Variants in ADAM12 observed in about 807,000 individuals in gnomAD.
The protein encoded by ADAM12 is disintegrin and metalloproteinase domain-containing protein 12.
A neutral mutation model predicts 106.4 loss-of-function variants in ADAM12; 70 were observed. The observed-to-expected ratio is 0.66, with a 90% confidence interval of 0.54 to 0.80. The LOEUF is 0.80. Among genes scored for constraint, ADAM12 ranks in the 30% least tolerant of loss-of-function variants. The pLI, the probability that ADAM12 is intolerant of heterozygous loss-of-function variation, is 0.00. For missense variants in ADAM12, 1,010 were observed against 1,171.9 expected (o/e 0.86, Z 2.02); for synonymous variants, 420 against 433.5 (o/e 0.97, Z 0.39).
intron 3 of ADAM12, among the ~76,000 whole-genome samples, chr10:126,247,503 G>A (rs1181670460): frequency 1.3e-5 from 2 of 152,176 alleles, no homozygotes; most frequent in Non-Finnish European, 2.9e-5. Flanking sequence ...AGATATTTAG[G>A]AGAGAGCCTG....
intron 3 of ADAM12, among the ~76,000 whole-genome samples, chr10:126,256,188 A>C (rs1590692371): frequency 6.6e-6 from 1 of 152,328 alleles, no homozygotes; most frequent in African/African-American, 2.4e-5. Context: ...ATGTCCAAGC[A>C]GAACGAAAGC....
chr10:126,032,174 G>A (rs778849950), intron 21 of ADAM12, among the ~76,000 whole-genome samples: 19 of 152,160 alleles, frequency 1.2e-4, no homozygotes, highest in Non-Finnish European at 2.6e-4. Flanking sequence ...TTAGTACATT[G>A]GGACAAATGA....
chr10:126,023,311 GGCTCTGTTGTTGT>G (rs1430044219), intron 21 of ADAM12, among the ~76,000 whole-genome samples: 4 of 152,146 alleles, frequency 2.6e-5, no homozygotes, highest in Non-Finnish European at 5.9e-5. Context: ...TAACATGGCA[GGCTCTGTTGTTGT>G]GCCCTACCCC....
intron 3 of ADAM12, among the ~76,000 whole-genome samples, chr10:126,192,278 T>A (rs1957516973): frequency 6.6e-6 from 1 of 152,158 alleles, no homozygotes; most frequent in Non-Finnish European, 1.5e-5. Flanking sequence ...TATACATACA[T>A]AAAATGTGTA....
chr10:126,101,247 C>T lies in ADAM12; in HGVS notation c.742-6G>A. On this transcript the variant is annotated splice_region_variant and splice_polypyrimidine_tract_variant and intron_variant, in intron 8 of 22. Coordinates refer to ENST00000448723, the MANE Select transcript of ADAM12 (RefSeq NM_001288973.2). ...ATGTTCAGTGGTCTGTAAAACTGGG[C>T]AAAACAGGCAAAACTGGCATTGGAG... 1 of 1,608,124 alleles carries T rather than the reference C, an allele frequency of 6.2e-7. No homozygotes were observed. The highest frequency in any genetic ancestry group is 8.5e-7 in the Non-Finnish European group (1 of 1,176,104).
At chr10:126,254,469 C>A (rs6597750) in intron 3 of ADAM12, among the ~76,000 whole-genome samples, 82,921 of 152,074 alleles carry the variant, frequency 0.55, 23,290 homozygotes, top group African/African-American at 0.67. Context: ...CAACTGACAA[C>A]ACTTCCTTCT....
At chr10:126,195,454 A>C (rs1957579680) in intron 3 of ADAM12, among the ~76,000 whole-genome samples, 1 of 152,092 alleles carries the variant, frequency 6.6e-6, no homozygotes, top group African/African-American at 2.4e-5. Flanking sequence ...GTGTGCTTGT[A>C]ATCCCAGCTA....
intron 5 of ADAM12, among the ~76,000 whole-genome samples, chr10:126,128,255 G>A (rs1021315491): frequency 2.0e-5 from 3 of 152,148 alleles, no homozygotes; most frequent in Admixed American, 6.5e-5. Flanking sequence ...CTGGGATGAG[G>A]AAGGGAAGTG....
intron 11 of ADAM12, among the ~76,000 whole-genome samples, chr10:126,086,671 AAAAAAAAAAATAT>A (rs1184363884): frequency 2.0e-4 from 12 of 61,452 alleles, no homozygotes; most frequent in African/African-American, 9.5e-4. Context: ...AAAAAAAAAA[AAAAAAAAAAATAT>A]ATATATATAT....
chr10:126,132,598 G>A (rs1956328154), intron 5 of ADAM12, among the ~76,000 whole-genome samples: 1 of 151,008 alleles, frequency 6.6e-6, no homozygotes, highest in African/African-American at 2.4e-5. Context: ...CTAGAGGTGG[G>A]CACAGGGCTT....
chr10:126,109,155 G>A (rs944458654), intron 7 of ADAM12, among the ~76,000 whole-genome samples: 1 of 152,138 alleles, frequency 6.6e-6, no homozygotes, highest in African/African-American at 2.4e-5. Context: ...TCCAGAATGG[G>A]AATCATTTTC....
intron 2 of ADAM12, among the ~76,000 whole-genome samples, chr10:126,295,928 C>CAT (rs1295685155): frequency 6.6e-6 from 1 of 150,812 alleles, no homozygotes; most frequent in Non-Finnish European, 1.5e-5. Context: ...CACACACACA[C>CAT]ATAAACACAC....
intron 1 of ADAM12, among the ~76,000 whole-genome samples, chr10:126,358,091 T>C (rs1855604972): frequency 1.3e-5 from 2 of 149,610 alleles, no homozygotes; most frequent in African/African-American, 2.5e-5. Flanking sequence ...GGCAGGAGAA[T>C]GGCATGAACC....
At chr10:126,387,781 AAG>A (rs1856718987) in intron 1 of ADAM12, among the ~76,000 whole-genome samples, 1 of 151,804 alleles carries the variant, frequency 6.6e-6, no homozygotes, top group Admixed American at 6.6e-5. Flanking sequence ...AATGTCACCC[AAG>A]AGGGTGAGGA....
At chr10:126,034,965 G>T (rs1033236308) in intron 21 of ADAM12, among the ~76,000 whole-genome samples, 5 of 152,154 alleles carry the variant, frequency 3.3e-5, no homozygotes, top group African/African-American at 1.2e-4. Flanking sequence ...AATCCTAATT[G>T]TGTGTATCGC....
intron 13 of ADAM12, among the ~76,000 whole-genome samples, chr10:126,065,540 G>A (rs186608970): frequency 6.5e-4 from 99 of 152,302 alleles, no homozygotes; most frequent in African/African-American, 2.3e-3. Context: ...AGAAGAACAA[G>A]GGAGAGGTAA....
chr10:126,143,129 T>C (rs1057144009), intron 4 of ADAM12, among the ~76,000 whole-genome samples: 19 of 151,834 alleles, frequency 1.3e-4, no homozygotes, highest in African/African-American at 4.6e-4. Flanking sequence ...TATGCATGTG[T>C]ATATCAGTGT....
chr10:126,132,524 A>AC (rs35812837), intron 5 of ADAM12, among the ~76,000 whole-genome samples: 17,098 of 120,168 alleles, frequency 0.14, 1,366 homozygotes, highest in Middle Eastern at 0.26. Context: ...CTGCATGAAC[A>AC]CCCCCCCCCC....
At chr10:126,141,420 A>T (rs1194487562) in intron 4 of ADAM12, among the ~76,000 whole-genome samples, 2 of 152,150 alleles carry the variant, frequency 1.3e-5, no homozygotes, top group African/African-American at 4.8e-5. Context: ...AAAACACAAC[A>T]CAGAAAAAGA....
Sources: gnomAD v4.1 joint callset for allele counts (sites outside exome capture counted in the v4.1 genomes callset) on GRCh38, gnomAD v4.1.1 for gene constraint, MANE v1.5 for transcripts, NCBI Gene and HGNC (gene_info 2026-07-23, HGNC 2026-07-21) for gene names.